Variants in OSBPL3 observed in about 807,000 individuals in gnomAD.
The protein encoded by OSBPL3 is oxysterol-binding protein-related protein 3.
Under a neutral mutation model 120.1 loss-of-function variants are expected in OSBPL3, and 65 were observed. The ratio of observed to expected loss-of-function variants is 0.54; its 90% CI spans 0.44 to 0.67. The LOEUF is 0.67. Ranked by LOEUF, OSBPL3 falls within the 30% of genes least tolerant of loss-of-function variation. The pLI is 0.00. For missense variants in OSBPL3, 1,004 were observed against 1,082.1 expected, an observed-to-expected ratio of 0.93 and a Z score of 1.01; for synonymous variants, 416 against 402.6, an observed-to-expected ratio of 1.03 and a Z score of -0.40.
intron 1 of OSBPL3, among the ~76,000 whole-genome samples, chr7:24,945,283 T>C (rs1225420913): frequency 6.6e-6 from 1 of 152,230 alleles, no homozygotes; most frequent in Admixed American, 6.5e-5. Flanking sequence ...TCCAGTTCTT[T>C]CTCCATCCTA....
chr7:24,857,738 G>T (rs1033281437), intron 10 of OSBPL3, among the ~76,000 whole-genome samples: 2 of 152,100 alleles, frequency 1.3e-5, no homozygotes, highest in Non-Finnish European at 2.9e-5. Flanking sequence ...TTGGGAATAG[G>T]GGGGAAGATT....
At chr7:24,884,829 T>C (rs1207186156) in intron 2 of OSBPL3, among the ~76,000 whole-genome samples, 1 of 152,194 alleles carries the variant, frequency 6.6e-6, no homozygotes, top group Non-Finnish European at 1.5e-5. Context: ...GCCTCTCCTC[T>C]TCTATGATCA....
At position 24,827,582 on chromosome 7, in the gene OSBPL3, C is replaced by T. The variant is rs1022317662; in HGVS notation, c.1884+3186G>A. 3.3e-5 allele frequency among the ~76,000 whole-genome samples: 5 copies of T among 152,236 alleles called. No homozygotes were observed. In the South Asian group the frequency reaches 6.2e-4, roughly 19 times the overall value. On this transcript the variant is annotated intron_variant, in intron 16 of 22. Coordinates refer to ENST00000313367, the MANE Select transcript of OSBPL3 (RefSeq NM_015550.4). The surrounding 1 kb of genome is among the most constrained non-coding windows in gnomAD (Gnocchi z 5.1). ...TCATACCTAGTCACACTGGACAATG[C>T]TTTCTGATCCCCATAGCAGGTCTAT...
chr7:24,876,134 A>C lies in OSBPL3; in HGVS notation c.97-4065T>G, dbSNP rs1802805250. On this transcript the variant is annotated intron_variant, in intron 2 of 22. Transcript: ENST00000313367. The stretch of plus-strand genomic sequence containing the variant: ...ATTCCTCACTTGTGCTTAAGTCAAC[A>C]ACCATTTATGGGGCCTCATTGTGTC... Among the ~76,000 whole-genome samples the C allele has an allele frequency of 1.3e-5, 2 of 152,294 alleles. 1 individual carries two copies. Among genetic ancestry groups the C allele is most frequent in the South Asian group, 4.1e-4 (2 of 4,826 alleles).
chr7:24,897,177 T>C (rs569349045), intron 1 of OSBPL3, among the ~76,000 whole-genome samples: 3 of 152,130 alleles, frequency 2.0e-5, no homozygotes, highest in African/African-American at 7.2e-5. Flanking sequence ...GGATACAGTG[T>C]CTGGCTTTGG....
chr7:24,904,581 C>T (rs1394046806), intron 1 of OSBPL3, among the ~76,000 whole-genome samples: 1 of 152,104 alleles, frequency 6.6e-6, no homozygotes, highest in African/African-American at 2.4e-5. Context: ...TATCAGGAAC[C>T]TGAACATCCA....
At position 24,819,534 on chromosome 7, in the gene OSBPL3, G is replaced by A. The variant is rs543853766; in HGVS notation, c.1948+641C>T. Reference sequence around the variant, plus strand: ...TGTTTCGTACTTTTAAAGTTTAATAGACTGCGTGTGTGTGTGTGCCTGTGT... The same window carrying A: ...TGTTTCGTACTTTTAAAGTTTAATAAACTGCGTGTGTGTGTGTGCCTGTGT... On this transcript the variant is annotated intron_variant, in intron 17 of 22. Coordinates refer to ENST00000313367, the MANE Select transcript of OSBPL3 (RefSeq NM_015550.4). This position sits in a 1 kb window ranked among gnomAD's most constrained non-coding sequence, Gnocchi z 4.1. 2.0e-5 allele frequency among the ~76,000 whole-genome samples: 3 copies of A among 152,276 alleles called. No homozygotes were observed. The South Asian group carries it at 6.2e-4, about 32-fold the overall frequency.
At chr7:24,859,118 T>C (rs1420077274) in intron 10 of OSBPL3, among the ~76,000 whole-genome samples, 1 of 152,114 alleles carries the variant, frequency 6.6e-6, no homozygotes, top group Non-Finnish European at 1.5e-5. Context: ...CAGGTAGCAA[T>C]CTGTATAAAG....
intron 16 of OSBPL3, among the ~76,000 whole-genome samples, chr7:24,826,860 G>A (rs1047070806): frequency 2.0e-5 from 3 of 152,188 alleles, no homozygotes; most frequent in East Asian, 3.9e-4. Context: ...CGACAGAGTC[G>A]AACTCTCAAG....
chr7:24,894,140 A>G lies in OSBPL3; in HGVS notation c.-149-1519T>C, dbSNP rs1349412860. Among the ~76,000 whole-genome samples, 4 of 151,864 alleles carry G rather than the reference A, an allele frequency of 2.6e-5. No individual in the cohort carries two copies. The highest frequency in any genetic ancestry group is 5.9e-5 in the Non-Finnish European group (4 of 68,034). On this transcript the variant is annotated intron_variant, in intron 1 of 22. Coordinates refer to ENST00000313367, the MANE Select transcript of OSBPL3 (RefSeq NM_015550.4). This position sits in a 1 kb window ranked among gnomAD's most constrained non-coding sequence, Gnocchi z 4.1. ...ATATACTCTTTCCTACACCTTCATT[A>G]ACACTTAGTTCTTCAAAAATAAAAA... is the stretch of plus-strand genomic sequence containing the variant.
intron 1 of OSBPL3, among the ~76,000 whole-genome samples, chr7:24,907,122 T>G (rs1393257281): frequency 6.6e-6 from 1 of 152,188 alleles, no homozygotes; most frequent in Non-Finnish European, 1.5e-5. Context: ...GTGTTTTATA[T>G]TCTTCTATTC....
Position 24,834,551 on chromosome 7 carries a change from C to A in OSBPL3, c.1681G>T (p.Glu561Ter), listed in dbSNP as rs548851733. ...EPLNTLQRLC[E>*]ELEYSELLDK... ...AGGAGCTCGCTGTACTCCAGCTCCT[C>A]GCAGAGCCTCTGCAGCGTGTTCAGG... Residue 561 changes from glutamate (E) to a stop codon, truncating the protein, a stop_gained, in exon 15 of 23, where the codon GAG (glutamate) becomes TAG (stop). Coordinates refer to ENST00000313367, the MANE Select transcript of OSBPL3 (RefSeq NM_015550.4). LOFTEE classifies it high-confidence loss of function. This position sits in a 1 kb window ranked among gnomAD's most constrained non-coding sequence, Gnocchi z 5.2. The A allele has an allele frequency of 6.2e-7, 1 of 1,614,168 alleles. No homozygotes were observed. Among genetic ancestry groups the A allele is most frequent in the Admixed American group, 1.7e-5 (1 of 60,020 alleles).
chr7:24,889,635 A>T (rs1404762284), intron 2 of OSBPL3, among the ~76,000 whole-genome samples: 1 of 152,244 alleles, frequency 6.6e-6, no homozygotes, highest in Non-Finnish European at 1.5e-5. Flanking sequence ...AAAAAAGATT[A>T]AGTATCTCCA....
chr7:24,866,593 A>G (rs1216836780), intron 5 of OSBPL3, among the ~76,000 whole-genome samples: 1 of 152,142 alleles, frequency 6.6e-6, no homozygotes, highest in African/African-American at 2.4e-5. Flanking sequence ...GTGAACCGAG[A>G]TTGAGCCACT....
intron 1 of OSBPL3, among the ~76,000 whole-genome samples, chr7:24,949,264 A>G (rs775515659): frequency 2.4e-4 from 36 of 151,968 alleles, no homozygotes; most frequent in Non-Finnish European, 7.4e-5. Flanking sequence ...ATAGCTTCAC[A>G]GTATTCATCA....
At chr7:24,810,140 T>TA in intron 19 of OSBPL3, 189 bp from the exon 20 acceptor site, 1 of 587,168 alleles carries the variant, frequency 1.7e-6, no homozygotes, top group Non-Finnish European at 3.0e-6. Flanking sequence ...ATGTACAACA[T>TA]AGTGTCTTGA....
rs386409728 is a variant in OSBPL3 at position 24,940,828 on chromosome 7, T to TTG, written c.-150+39056_-150+39057dup. Reference sequence around the variant, plus strand: ...TTCTTCCTTTTTTTTCTTTTTTTTTTTGTGTGTGTGTGACGGAGTCTCGCT... The same window carrying TTG: ...TTCTTCCTTTTTTTTCTTTTTTTTTTTGTGTGTGTGTGTGACGGAGTCTCGCT... On this transcript the variant is annotated intron_variant, in intron 1 of 22. Transcript: ENST00000313367. This position sits in a 1 kb window ranked among gnomAD's most constrained non-coding sequence, Gnocchi z 4.4. Among the ~76,000 whole-genome samples, 3,066 of 151,038 alleles carry TTG rather than the reference T, an allele frequency of 0.02. 51 individuals are homozygous for TTG. The highest frequency in any genetic ancestry group is 0.032 in the Non-Finnish European group (2,191 of 67,644).
At chr7:24,861,067 A>C (rs1800460012) in intron 10 of OSBPL3, among the ~76,000 whole-genome samples, 1 of 152,232 alleles carries the variant, frequency 6.6e-6, no homozygotes, top group Non-Finnish European at 1.5e-5. Flanking sequence ...TTAAATTTAT[A>C]TGCATTTTCA....
chr7:24,958,046 A>G (rs1815282824), intron 1 of OSBPL3, among the ~76,000 whole-genome samples: 1 of 152,120 alleles, frequency 6.6e-6, no homozygotes, highest in South Asian at 2.1e-4. Flanking sequence ...TACTGTCATA[A>G]TCTTTTGCTC....
Sources: allele counts gnomAD v4.1 joint callset (sites outside exome capture counted in the v4.1 genomes callset), GRCh38; gene constraint gnomAD v4.1.1; non-coding constraint Gnocchi (gnomAD v3.1); transcripts MANE v1.5; gene names NCBI Gene and HGNC (gene_info 2026-07-23, HGNC 2026-07-21).